Variants in PSIP1 observed in about 807,000 individuals in gnomAD.
PSIP1 encodes PC4 and SFRS1-interacting protein.
PSIP1 carries 19 observed loss-of-function variants against 74.7 expected under a neutral mutation model. The observed-to-expected ratio is 0.25, with a 90% CI of 0.18 to 0.37. PSIP1 has a LOEUF of 0.37. PSIP1 is among the 10% of genes least tolerant of loss of function. The pLI, the probability that PSIP1 is intolerant of heterozygous loss-of-function variation, is 1.00. For synonymous variants in PSIP1, 222 were observed against 195.3 expected (o/e 1.14, Z -1.14); for missense variants, 601 against 614.3 (o/e 0.98, Z 0.23).
intron 6 of PSIP1, among the ~76,000 whole-genome samples, chr9:15,482,029 A>G (rs2036358666): frequency 6.6e-6 from 1 of 152,070 alleles, no homozygotes; most frequent in South Asian, 2.1e-4. Flanking sequence ...TTTCTTCCAT[A>G]TTTTACTTGC....
Position 15,468,806 on chromosome 9 carries a change from T to C in PSIP1, c.1244A>G (p.Lys415Arg), listed in dbSNP as rs2035732326. The part of the protein sequence containing the change: ...RFKVSQVIME[K>R]STMLYNKFKN... The stretch of plus-strand genomic sequence containing the variant: ...AAACTTGTTATACAACATTGTAGAC[T>C]TTTCCATGATTACCTGACTAACTTT... The change falls in exon 14 of 16, where the codon AAG (lysine) becomes AGG (arginine). Residue 415 changes from lysine to arginine, a missense_variant. Around this residue, in one of 2 missense-constraint regions of PSIP1, gnomAD observed 538 missense variants for 507.6 expected, o/e 1.06. Transcript: ENST00000380733. 1.2e-6 allele frequency: 2 copies of C among 1,613,958 alleles called. No individual in the cohort carries two copies. Among genetic ancestry groups the C allele is most frequent in the Non-Finnish European group, 1.7e-6 (2 of 1,179,898 alleles).
chr9:15,466,802 T>G lies in PSIP1; in HGVS notation c.1478A>C (p.Asn493Thr). ...DAQDGNQPQH[N>T]GESNEDSKDN... is the part of the protein sequence containing the mutation. The stretch of plus-strand genomic sequence containing the variant: ...TTTGCTGTCTTCATTGCTCTCCCCG[T>G]TATGTTGTGGCTGATTACCATCTTG... The change falls in exon 15 of 16, where the codon AAC becomes ACC. Residue 493 changes from asparagine to threonine, a missense_variant. Physicochemically the swap from Asn to Thr is moderately conservative, Grantham distance 65. This residue lies in a region of PSIP1 where 538 missense variants were observed against 507.6 expected (regional missense o/e 1.06). Transcript: ENST00000380733. 2 of 1,613,672 alleles carry G rather than the reference T, an allele frequency of 1.2e-6. No homozygotes were observed. The highest frequency in any genetic ancestry group is 1.7e-6 in the Non-Finnish European group (2 of 1,179,850).
chr9:15,475,231 T>C (rs1287561416), intron 8 of PSIP1, among the ~76,000 whole-genome samples: 1 of 152,182 alleles, frequency 6.6e-6, no homozygotes, highest in Non-Finnish European at 1.5e-5. Flanking sequence ...TTTTTATCCT[T>C]TTAACTTTAG....
intron 3 of PSIP1, among the ~76,000 whole-genome samples, chr9:15,503,047 AACT>A (rs769534715): frequency 3.3e-5 from 5 of 152,210 alleles, no homozygotes; most frequent in East Asian, 1.9e-4. Flanking sequence ...CAGACTACTA[AACT>A]ATTTATGCAA....
chr9:15,471,084 G>T (rs754620776), intron 10 of PSIP1: 3 of 1,530,080 alleles, frequency 2.0e-6, no homozygotes, highest in East Asian at 4.6e-5. Context: ...CATCAATGGG[G>T]GGAAGGGGGA....
chr9:15,504,511 G>A (rs1228943824), intron 3 of PSIP1, among the ~76,000 whole-genome samples: 2 of 152,124 alleles, frequency 1.3e-5, no homozygotes, highest in South Asian at 4.1e-4. Context: ...GCCGAGGTGG[G>A]CAGATCACGA....
chr9:15,508,519 G>C (rs529117254), intron 2 of PSIP1, among the ~76,000 whole-genome samples: 4 of 152,348 alleles, frequency 2.6e-5, no homozygotes, highest in African/African-American at 9.6e-5. Context: ...ACATATGAGC[G>C]TGGGGAGGGT....
chr9:15,473,954 A>AAT, intron 9 of PSIP1, 55 bp downstream of exon 9: 8 of 1,230,816 alleles, frequency 6.5e-6, no homozygotes, highest in Non-Finnish European at 8.7e-6. Context: ...AAAAACAAAA[A>AAT]ATATATATAT....
intron 6 of PSIP1, among the ~76,000 whole-genome samples, chr9:15,482,251 CTCTGT>C (rs1205195075): frequency 3.3e-5 from 5 of 152,068 alleles, no homozygotes; most frequent in African/African-American, 1.2e-4. Flanking sequence ...ATTCTACCTT[CTCTGT>C]TCTATTATTC....
At chr9:15,465,819 G>T (rs576358878) in intron 15 of PSIP1, 132 of 443,546 alleles carry the variant, frequency 3.0e-4, no homozygotes, top group African/African-American at 2.2e-3. Context: ...AAATAACTCA[G>T]CAAAGTGTCA....
At chr9:15,487,575 C>T (rs2036609474) in intron 4 of PSIP1, among the ~76,000 whole-genome samples, 1 of 152,098 alleles carries the variant, frequency 6.6e-6, no homozygotes, top group Admixed American at 6.6e-5. Context: ...GCACTCCAAC[C>T]TGGGCGACAG....
chr9:15,494,935 T>A (rs1215345735), intron 3 of PSIP1, among the ~76,000 whole-genome samples: 2 of 152,188 alleles, frequency 1.3e-5, no homozygotes, highest in Non-Finnish European at 2.9e-5. Flanking sequence ...TAAACCTCCA[T>A]GAAAACGTAT....
intron 10 of PSIP1, chr9:15,472,094 C>G (rs1196041237): frequency 1.0e-6 from 1 of 982,558 alleles, no homozygotes; most frequent in Non-Finnish European, 1.2e-6. Flanking sequence ...CTATAAGTAT[C>G]AAAATTTAAG....
In PSIP1 at chr9:15,478,957, TATTA is replaced by T. The variant is rs1030793225; in HGVS notation, c.554-409_554-406del. 7.9e-5 allele frequency among the ~76,000 whole-genome samples: 12 copies of T among 152,212 alleles called. No homozygotes were observed. The South Asian group carries it at 2.3e-3, about 29-fold the overall frequency. On this transcript the variant is annotated intron_variant, in intron 7 of 15. Transcript: ENST00000380733. ...AAAATTCACTGAGTTTCCCTAGCAC[TATTA>T]ATTTTATCCACTGCAATATTAAACT...
intron 11 of PSIP1, 55 bp downstream of exon 11, chr9:15,469,883 T>C (rs2132039176): frequency 2.8e-6 from 4 of 1,434,408 alleles, no homozygotes; most frequent in Non-Finnish European, 3.9e-6. Context: ...GTTATGTCTA[T>C]ATAACTTCTT....
chr9:15,469,188 C>T (rs1018226523), intron 12 of PSIP1, 78 bp downstream of exon 12: 6 of 1,313,834 alleles, frequency 4.6e-6, no homozygotes, highest in Non-Finnish European at 6.4e-6. Flanking sequence ...AATTTACATA[C>T]TCATAAGATC....
chr9:15,470,077 T>A (rs981562582), intron 10 of PSIP1, 84 bp from the exon 11 acceptor site: 5 of 1,142,504 alleles, frequency 4.4e-6, no homozygotes, highest in Non-Finnish European at 6.5e-6. Flanking sequence ...GCTAAAAATG[T>A]TTTCCTTAAA....
intron 6 of PSIP1, among the ~76,000 whole-genome samples, chr9:15,481,572 C>T (rs1340640575): frequency 6.6e-6 from 1 of 152,000 alleles, no homozygotes; most frequent in Non-Finnish European, 1.5e-5. Flanking sequence ...TAATCCCAGC[C>T]ACTCAAGAGG....
At chr9:15,483,689 G>A (rs1022875922) in intron 6 of PSIP1, among the ~76,000 whole-genome samples, 3 of 152,148 alleles carry the variant, frequency 2.0e-5, no homozygotes, top group Admixed American at 2.0e-4. Flanking sequence ...ACAGTGAACT[G>A]GTCTCACTGC....
Sources: allele counts gnomAD v4.1 joint callset (sites outside exome capture counted in the v4.1 genomes callset), GRCh38; gene constraint gnomAD v4.1.1; regional missense constraint gnomAD v4.1.1; transcripts MANE v1.5; gene names NCBI Gene and HGNC (gene_info 2026-07-23, HGNC 2026-07-21).